Variants in SHROOM3 observed in about 807,000 individuals in gnomAD.
SHROOM3 encodes protein Shroom3.
In SHROOM3, 47 loss-of-function variants were observed where a neutral mutation model predicts 138.6. That is an observed-to-expected ratio of 0.34 (90% confidence interval 0.27 to 0.43). SHROOM3 has a LOEUF of 0.43. Ranked by LOEUF, SHROOM3 falls within the 20% of genes least tolerant of loss-of-function variation. The probability of loss-of-function intolerance (pLI) is 1.00; values close to 1 mark genes in which losing one functional copy is unlikely to be tolerated. For missense variants in SHROOM3, 2,491 were observed against 2,596.5 expected (o/e 0.96, Z 0.88); for synonymous variants, 1,062 against 1,063.3 (o/e 1.00, Z 0.02).
chr4:76,748,093 C>G (rs1721501474), intron 5 of SHROOM3, among the ~76,000 whole-genome samples: 1 of 152,104 alleles, frequency 6.6e-6, no homozygotes, highest in African/African-American at 2.4e-5. Flanking sequence ...GTACCGGTAG[C>G]TGCAATTATT....
intron 5 of SHROOM3, chr4:76,742,230 A>T: frequency 2.4e-6 from 1 of 416,680 alleles, no homozygotes; most frequent in Non-Finnish European, 4.4e-6. Flanking sequence ...AAAATTAGGG[A>T]TTATCTTTTT....
At chr4:76,479,349 AG>A (rs1007378188) in intron 1 of SHROOM3, among the ~76,000 whole-genome samples, 4 of 151,896 alleles carry the variant, frequency 2.6e-5, no homozygotes, top group Non-Finnish European at 5.9e-5. Flanking sequence ...AAGTATCAAT[AG>A]CTGAATCCAT....
chr4:76,736,035 C>T (rs944417917), intron 4 of SHROOM3, among the ~76,000 whole-genome samples: 1 of 151,428 alleles, frequency 6.6e-6, no homozygotes, highest in Admixed American at 6.6e-5. Context: ...AAATTCTCAG[C>T]AGTTGGGAGG....
intron 1 of SHROOM3, among the ~76,000 whole-genome samples, chr4:76,491,581 C>T (rs1421879434): frequency 1.3e-5 from 2 of 152,158 alleles, no homozygotes; most frequent in Non-Finnish European, 2.9e-5. Flanking sequence ...GTTTCAAATG[C>T]AAGGATACCA....
At position 76,537,100 on chromosome 4, in the gene SHROOM3, G is replaced by A. The variant is rs1444993264; in HGVS notation, c.169-18509G>A. Among the ~76,000 whole-genome samples the A allele has an allele frequency of 3.9e-5, 6 of 152,114 alleles. No homozygotes were observed. In the South Asian group the frequency reaches 8.3e-4, roughly 21 times the overall value. On this transcript the variant is annotated intron_variant, in intron 1 of 10. Transcript: ENST00000296043. ...TGTACTCCAGCCTGGGTGACAGAGC[G>A]AGACTCCATCTCAAAAATAATAATA... is the stretch of plus-strand genomic sequence containing the variant.
At chr4:76,673,245 T>G (rs1718939124) in intron 2 of SHROOM3, among the ~76,000 whole-genome samples, 1 of 152,182 alleles carries the variant, frequency 6.6e-6, no homozygotes, top group South Asian at 2.1e-4. Flanking sequence ...AACGGTTAGC[T>G]CTATGAATCT....
chr4:76,468,758 G>T (rs900331910), intron 1 of SHROOM3, among the ~76,000 whole-genome samples: 1 of 152,056 alleles, frequency 6.6e-6, no homozygotes, highest in Non-Finnish European at 1.5e-5. Context: ...GGCCTGGCGC[G>T]GTAGCTCACA....
chr4:76,439,030 C>T (rs1730616546), intron 1 of SHROOM3, among the ~76,000 whole-genome samples: 1 of 152,214 alleles, frequency 6.6e-6, no homozygotes, highest in Non-Finnish European at 1.5e-5. Flanking sequence ...AACAACACAA[C>T]TTACAGTTCT....
Position 76,741,613 on chromosome 4 carries a change from T to C in SHROOM3, c.3440T>C (p.Leu1147Pro), listed in dbSNP as rs762150788. Reference sequence around the variant, plus strand: ...TTGAGCTCACTGCGGGAGCCCAGCCTGCAGCCCCGCAGGGAGGCCACGCTC... The same window carrying C: ...TTGAGCTCACTGCGGGAGCCCAGCCCGCAGCCCCGCAGGGAGGCCACGCTC... ...SSLSSLREPS[L>P]QPRREATLLP... The change falls in exon 5 of 11, where the codon CTG becomes CCG. Residue 1147 changes from leucine (L) to proline (P), a missense_variant. Around this residue, in one of 4 missense-constraint regions of SHROOM3, gnomAD observed 1,733 missense variants for 1,661.6 expected, o/e 1.04. Transcript: ENST00000296043. This position sits in a 1 kb window ranked among gnomAD's most constrained non-coding sequence, Gnocchi z 6.2. The C allele has an allele frequency of 6.5e-7, 1 of 1,540,028 alleles. No homozygotes were observed. The highest frequency in any genetic ancestry group is 8.7e-7 in the Non-Finnish European group (1 of 1,148,494).
intron 1 of SHROOM3, among the ~76,000 whole-genome samples, chr4:76,537,408 G>T (rs1733002008): frequency 6.6e-6 from 1 of 152,200 alleles, no homozygotes. Context: ...GGGTTGGGGA[G>T]CTGCTAGATG....
chr4:76,647,465 C>A (rs767783825), intron 2 of SHROOM3, among the ~76,000 whole-genome samples: 1 of 152,004 alleles, frequency 6.6e-6, no homozygotes, highest in East Asian at 1.9e-4. Flanking sequence ...TGATAGATAC[C>A]GTAAATACTC....
chr4:76,519,530 A>G (rs1732519361), intron 1 of SHROOM3, among the ~76,000 whole-genome samples: 1 of 152,198 alleles, frequency 6.6e-6, no homozygotes. Flanking sequence ...AATGAATCGC[A>G]GTTGGTCTCA....
At chr4:76,707,580 C>A (rs571481352) in intron 2 of SHROOM3, among the ~76,000 whole-genome samples, 1 of 152,170 alleles carries the variant, frequency 6.6e-6, no homozygotes, top group East Asian at 1.9e-4. Context: ...TGTTTTGAGG[C>A]TAAGTAGCAA....
At chr4:76,748,043 A>C (rs1721500013) in intron 5 of SHROOM3, among the ~76,000 whole-genome samples, 1 of 152,212 alleles carries the variant, frequency 6.6e-6, no homozygotes, top group African/African-American at 2.4e-5. Context: ...TTGTTGGTGC[A>C]AGGTACTTAG....
At chr4:76,624,423 G>T (rs1735078360) in intron 2 of SHROOM3, among the ~76,000 whole-genome samples, 1 of 152,124 alleles carries the variant, frequency 6.6e-6, no homozygotes, top group African/African-American at 2.4e-5. Flanking sequence ...TGCTCCCGTG[G>T]TGACTTCATT....
At chr4:76,606,220 G>T (rs886442482) in intron 2 of SHROOM3, among the ~76,000 whole-genome samples, 3 of 149,526 alleles carry the variant, frequency 2.0e-5, no homozygotes, top group African/African-American at 7.3e-5. Flanking sequence ...CACCAAGTTG[G>T]CCAGGATGGT....
chr4:76,611,238 C>T (rs1041935377), intron 2 of SHROOM3, among the ~76,000 whole-genome samples: 24 of 151,212 alleles, frequency 1.6e-4, no homozygotes, highest in Non-Finnish European at 3.1e-4. Flanking sequence ...TGACTTTGTG[C>T]GCCCTCTCTC....
intron 1 of SHROOM3, among the ~76,000 whole-genome samples, chr4:76,504,842 G>A (rs1215373716): frequency 1.3e-5 from 2 of 152,188 alleles, no homozygotes; most frequent in African/African-American, 4.8e-5. Flanking sequence ...GTCCCAGGAT[G>A]GTTGGGGTAA....
chr4:76,654,044 T>C (rs1736015356), intron 2 of SHROOM3, among the ~76,000 whole-genome samples: 1 of 152,154 alleles, frequency 6.6e-6, no homozygotes, highest in Non-Finnish European at 1.5e-5. Context: ...ATAGACATGA[T>C]AACAGGCTTG....
Sources: allele counts gnomAD v4.1 joint callset (sites outside exome capture counted in the v4.1 genomes callset), GRCh38; gene constraint gnomAD v4.1.1; regional missense constraint gnomAD v4.1.1; non-coding constraint Gnocchi (gnomAD v3.1); transcripts MANE v1.5; gene names NCBI Gene and HGNC (gene_info 2026-07-23, HGNC 2026-07-21).